GRM5: variants seen among roughly 807,000 people sequenced by gnomAD.
GRM5 encodes the protein glutamate metabotropic receptor 5, also known as metabotropic glutamate receptor 5.
GRM5 carries 19 observed loss-of-function variants against 83.1 expected under a neutral mutation model. That is an observed-to-expected ratio of 0.23 (90% CI 0.16 to 0.34). GRM5 has a LOEUF of 0.34. GRM5 is among the 10% of genes least tolerant of loss of function. The probability of loss-of-function intolerance (pLI) is 1.00; values close to 1 mark genes in which losing one functional copy is unlikely to be tolerated. For synonymous variants in GRM5, 675 were observed against 633.6 expected (o/e 1.07, Z -0.98); for missense variants, 1,160 against 1,588.3 (o/e 0.73, Z 4.58).
chr11:88,823,724 C>A (rs369613772), intron 3 of GRM5, among the ~76,000 whole-genome samples: 2 of 152,134 alleles, frequency 1.3e-5, no homozygotes, highest in African/African-American at 4.8e-5. Flanking sequence ...AGGATCCCAA[C>A]TGGAGAAGAG....
chr11:88,692,389 A>G (rs772090550), intron 3 of GRM5, among the ~76,000 whole-genome samples: 2 of 152,194 alleles, frequency 1.3e-5, no homozygotes, highest in Non-Finnish European at 2.9e-5. Flanking sequence ...TGGATGAATG[A>G]GTGAGTAAAT....
At chr11:88,511,155 G>A (rs1019763758) in intron 9 of GRM5, among the ~76,000 whole-genome samples, 8 of 152,172 alleles carry the variant, frequency 5.3e-5, no homozygotes, top group African/African-American at 1.9e-4. Flanking sequence ...TAAATCTGAA[G>A]CACTTTGTTT....
intron 1 of GRM5, among the ~76,000 whole-genome samples, chr11:89,053,890 T>C (rs1941814719): frequency 6.6e-6 from 1 of 152,088 alleles, no homozygotes; most frequent in Non-Finnish European, 1.5e-5. Flanking sequence ...TAAGACAGAC[T>C]TAATATTTAG....
intron 2 of GRM5, among the ~76,000 whole-genome samples, chr11:88,889,425 C>G (rs944574125): frequency 2.0e-5 from 3 of 152,182 alleles, no homozygotes; most frequent in Admixed American, 2.0e-4. Flanking sequence ...ATGACAGTTT[C>G]AAAAGCTGCT....
chr11:88,554,824 C>T (rs1027154375), intron 8 of GRM5, among the ~76,000 whole-genome samples: 1 of 152,106 alleles, frequency 6.6e-6, no homozygotes, highest in Non-Finnish European at 1.5e-5. Context: ...TGGAATTTAC[C>T]AGATGGGCAG....
intron 3 of GRM5, among the ~76,000 whole-genome samples, chr11:88,762,928 C>G (rs1241413790): frequency 5.3e-5 from 8 of 151,808 alleles, no homozygotes; most frequent in African/African-American, 1.9e-4. Flanking sequence ...GAACAGAAAA[C>G]CAAATACTGC....
intron 4 of GRM5, among the ~76,000 whole-genome samples, chr11:88,651,418 T>C (rs1233274036): frequency 3.3e-5 from 5 of 151,998 alleles, no homozygotes. Flanking sequence ...TGCTTACCTT[T>C]CAGAACTCCT....
chr11:88,660,695 A>C (rs1254942519), intron 3 of GRM5, among the ~76,000 whole-genome samples: 1 of 152,148 alleles, frequency 6.6e-6, no homozygotes, highest in Admixed American at 6.6e-5. Context: ...ATCATGATGA[A>C]ACTGGTACTG....
In GRM5 at chr11:88,521,847, C is replaced by T. The variant is rs1941700235; in HGVS notation, c.2726+3462G>A. 5.3e-5 allele frequency among the ~76,000 whole-genome samples: 8 copies of T among 152,268 alleles called. No homozygotes were observed. The South Asian group carries it at 1.5e-3, about 28-fold the overall frequency. On this transcript the variant is annotated intron_variant, in intron 9 of 9. Coordinates refer to ENST00000305447, the MANE Select transcript of GRM5 (RefSeq NM_001143831.3). ...AGGGAGGAAGGCAGAAGTAAAGGAG[C>T]ATCTGTCTAAGGCCCTGCTAATGTT... is the stretch of plus-strand genomic sequence containing the variant.
intron 5 of GRM5, among the ~76,000 whole-genome samples, chr11:88,602,394 G>C (rs116168965): frequency 0.029 from 4,344 of 152,200 alleles, 174 homozygotes; most frequent in African/African-American, 0.087. Flanking sequence ...TAAAAACAAT[G>C]ATTAAAACGT....
At chr11:88,610,007 T>C (rs1266811871) in intron 4 of GRM5, among the ~76,000 whole-genome samples, 1 of 152,184 alleles carries the variant, frequency 6.6e-6, no homozygotes, top group Non-Finnish European at 1.5e-5. Flanking sequence ...CCCCACTGTT[T>C]GTTATTACTG....
At chr11:88,839,996 C>A (rs944318543) in intron 3 of GRM5, among the ~76,000 whole-genome samples, 13 of 152,030 alleles carry the variant, frequency 8.6e-5, no homozygotes, top group South Asian at 2.1e-4. Context: ...TAATTGTCTT[C>A]ATACTGTAGG....
chr11:88,668,295 T>TCACACA (rs201662394), intron 3 of GRM5, among the ~76,000 whole-genome samples: 872 of 81,728 alleles, frequency 0.011, 10 homozygotes, highest in Middle Eastern at 0.019. Flanking sequence ...CCCCAGAAAC[T>TCACACA]CGCACACACA....
intron 6 of GRM5, 117 bp from the exon 7 acceptor site, chr11:88,590,844 T>A: frequency 1.6e-6 from 1 of 610,768 alleles, no homozygotes; most frequent in Non-Finnish European, 2.8e-6. Flanking sequence ...TTATTTTAAA[T>A]GTTTTCAGAT....
At chr11:89,037,337 G>A (rs4254073) in intron 2 of GRM5, among the ~76,000 whole-genome samples, 1 of 151,602 alleles carries the variant, frequency 6.6e-6, no homozygotes, top group African/African-American at 2.4e-5. Flanking sequence ...CTAGAAACTC[G>A]CCTGACCTCC....
intron 8 of GRM5, among the ~76,000 whole-genome samples, chr11:88,561,549 C>T (rs562567093): frequency 6.6e-6 from 1 of 152,142 alleles, no homozygotes; most frequent in South Asian, 2.1e-4. Flanking sequence ...TCATCAGATT[C>T]AATGCTTTAT....
In GRM5 at chr11:88,562,097, A is replaced by G. The variant is rs1942770966; in HGVS notation, c.2630+4956T>C. On this transcript the variant is annotated intron_variant, in intron 8 of 9. Coordinates refer to ENST00000305447, the MANE Select transcript of GRM5 (RefSeq NM_001143831.3). Reference sequence around the variant, plus strand: ...TTCTTTGGAGCATCAGTTCTTCAGAATGTTAAGAGGTTTACTTGGAAAAAA... The same window carrying G: ...TTCTTTGGAGCATCAGTTCTTCAGAGTGTTAAGAGGTTTACTTGGAAAAAA... Among the ~76,000 whole-genome samples the G allele has an allele frequency of 2.0e-5, 3 of 152,228 alleles. No homozygotes were observed. The South Asian group carries it at 6.2e-4, about 32-fold the overall frequency.
intron 3 of GRM5, among the ~76,000 whole-genome samples, chr11:88,726,777 A>G (rs1009761746): frequency 2.4e-5 from 2 of 83,938 alleles, no homozygotes; most frequent in African/African-American, 5.8e-5. Flanking sequence ...AGAATTTCAT[A>G]TCCAGCCAAC....
chr11:88,769,334 G>T (rs182906017), intron 3 of GRM5, among the ~76,000 whole-genome samples: 4 of 151,772 alleles, frequency 2.6e-5, no homozygotes, highest in Admixed American at 2.6e-4. Flanking sequence ...TTATGGACTT[G>T]TGTATATACA....
Sources: gnomAD v4.1 joint callset for allele counts (sites outside exome capture counted in the v4.1 genomes callset) on GRCh38, gnomAD v4.1.1 for gene constraint, MANE v1.5 for transcripts, NCBI Gene and HGNC (gene_info 2026-07-23, HGNC 2026-07-21) for gene names.